MYO6: variants seen among roughly 807,000 people sequenced by gnomAD.
MYO6 encodes unconventional myosin-VI.
MYO6 carries 74 observed loss-of-function variants against 178.7 expected under a neutral mutation model. The observed-to-expected ratio is 0.41, with a 90% CI of 0.34 to 0.50. The LOEUF is 0.50. Ranked by LOEUF, MYO6 falls within the 20% of genes least tolerant of loss-of-function variation. The probability of loss-of-function intolerance (pLI) is 0.09; values close to 1 mark genes in which losing one functional copy is unlikely to be tolerated. For synonymous variants in MYO6, 477 were observed against 504.6 expected (o/e 0.95, Z 0.73); for missense variants, 1,330 against 1,547.4 (o/e 0.86, Z 2.36).
chr6:75,830,685 A>G (rs568870807), intron 5 of MYO6, 140 bp downstream of exon 5: 9 of 815,240 alleles, frequency 1.1e-5, no homozygotes, highest in South Asian at 1.0e-4. Context: ...GGATATATCA[A>G]CATTGTTAGG....
chr6:75,758,530 A>G (rs1410349321), intron 1 of MYO6, among the ~76,000 whole-genome samples: 7 of 151,744 alleles, frequency 4.6e-5, no homozygotes, highest in Admixed American at 6.6e-5. Flanking sequence ...TTGCCATCTC[A>G]GCTCACTGCA....
At chr6:75,873,138 G>A (rs886760713) in intron 19 of MYO6, 69 bp from the exon 20 acceptor site, 1 of 1,164,546 alleles carries the variant, frequency 8.6e-7, no homozygotes, top group Non-Finnish European at 1.3e-6. Flanking sequence ...GAAAGTTGCA[G>A]GTATTCATAG....
intron 20 of MYO6, among the ~76,000 whole-genome samples, chr6:75,878,309 T>A (rs187275981): frequency 4.6e-5 from 7 of 152,322 alleles, no homozygotes; most frequent in Non-Finnish European, 8.8e-5. Flanking sequence ...TTTTAGTTTT[T>A]TTCTGGTTTT....
At position 75,868,938 on chromosome 6, in the gene MYO6, C is replaced by T. The variant is rs3798436; in HGVS notation, c.1945-1709C>T. On this transcript the variant is annotated intron_variant, in intron 18 of 34. Transcript: ENST00000369977. Reference sequence around the variant, plus strand: ...TTTTCAAATAAAAATACAAATAAAGCATGAGTTGCCTGAGGCTTTTTACTC... The same window carrying T: ...TTTTCAAATAAAAATACAAATAAAGTATGAGTTGCCTGAGGCTTTTTACTC... Among the ~76,000 whole-genome samples the T allele has an allele frequency of 0.013, 1,996 of 152,060 alleles. 74 individuals are homozygous for T. The East Asian group carries it at 0.15, about 11-fold the overall frequency.
At chr6:75,837,176 A>T (rs1401063754) in intron 7 of MYO6, among the ~76,000 whole-genome samples, 1 of 152,164 alleles carries the variant, frequency 6.6e-6, no homozygotes, top group Non-Finnish European at 1.5e-5. Context: ...TGGTAATAAC[A>T]TATATGGGAT....
At chr6:75,912,284 T>C (rs935294084) in intron 33 of MYO6, among the ~76,000 whole-genome samples, 2 of 152,062 alleles carry the variant, frequency 1.3e-5, no homozygotes, top group African/African-American at 2.4e-5. Flanking sequence ...AGTTGATTAG[T>C]AATGATTTGG....
chr6:75,795,860 A>G (rs565795626), intron 1 of MYO6, among the ~76,000 whole-genome samples: 29 of 152,342 alleles, frequency 1.9e-4, no homozygotes, highest in Non-Finnish European at 2.5e-4. Context: ...ATTCCAACAG[A>G]TTGGAACAGT....
intron 1 of MYO6, among the ~76,000 whole-genome samples, chr6:75,757,373 G>A (rs370161838): frequency 7.9e-4 from 116 of 146,786 alleles, no homozygotes; most frequent in Non-Finnish European, 1.0e-3. Flanking sequence ...GTGTGTGTGT[G>A]TATATATATG....
At chr6:75,860,862 A>G (rs149636957) in intron 14 of MYO6, among the ~76,000 whole-genome samples, 161 bp from the exon 15 acceptor site, 1 of 152,336 alleles carries the variant, frequency 6.6e-6, no homozygotes, top group East Asian at 1.9e-4. Context: ...CCTGTCTGCA[A>G]GTGTTCAAAA....
chr6:75,877,469 G>A (rs1182127072), intron 20 of MYO6, among the ~76,000 whole-genome samples: 2 of 151,724 alleles, frequency 1.3e-5, no homozygotes, highest in African/African-American at 4.8e-5. Flanking sequence ...ATTTCACCAT[G>A]TTGGCCAGGC....
In MYO6 at chr6:75,915,208, T is replaced by C; in HGVS notation, c.*196T>C. On this transcript the variant is annotated 3_prime_UTR_variant, in exon 35 of 35. Coordinates refer to ENST00000369977, the MANE Select transcript of MYO6 (RefSeq NM_004999.4). ...ATTTTGGACCTAAACATTATTTTTC[T>C]GTATCCCGCTGTAATTCCCAAAACT... is the stretch of plus-strand genomic sequence containing the variant. 1.7e-6 allele frequency: 1 copy of C among 605,330 alleles called. No homozygotes were observed. Among genetic ancestry groups the C allele is most frequent in the Non-Finnish European group, 2.9e-6 (1 of 342,540 alleles). 37.5% of individuals were successfully genotyped at this position (605,330 alleles called of 1,614,324 possible). A position where few individuals can be genotyped will look rare whatever the true frequency, so the allele number is the denominator to read the frequency against.
At chr6:75,758,553 T>C (rs545510674) in intron 1 of MYO6, among the ~76,000 whole-genome samples, 30 of 150,020 alleles carry the variant, frequency 2.0e-4, no homozygotes, top group East Asian at 4.1e-4. Context: ...CTCCGCCTCC[T>C]GGGTTCACGC....
chr6:75,879,671 A>G (rs1473633847), intron 20 of MYO6, 149 bp from the exon 21 acceptor site: 6 of 1,071,098 alleles, frequency 5.6e-6, no homozygotes, highest in South Asian at 1.4e-5. Flanking sequence ...CATAATGAGC[A>G]TAAATATTTT....
intron 1 of MYO6, among the ~76,000 whole-genome samples, chr6:75,815,094 A>G (rs574595513): frequency 2.0e-5 from 3 of 152,354 alleles, no homozygotes; most frequent in African/African-American, 7.2e-5. Context: ...TGGCACGAGT[A>G]GAAGCAGGCA....
intron 13 of MYO6, among the ~76,000 whole-genome samples, chr6:75,857,619 A>T (rs567130921): frequency 6.6e-6 from 1 of 152,364 alleles, no homozygotes; most frequent in East Asian, 1.9e-4. Context: ...AAATAGAGTC[A>T]CTAAAACCAT....
At chr6:75,818,748 A>G (rs1272195737) in intron 2 of MYO6, among the ~76,000 whole-genome samples, 2 of 152,220 alleles carry the variant, frequency 1.3e-5, no homozygotes, top group African/African-American at 4.8e-5. Flanking sequence ...TGCATAATGT[A>G]TAATGTGCCA....
chr6:75,838,054 C>CTTT (rs35550064), intron 7 of MYO6, among the ~76,000 whole-genome samples: 1 of 136,222 alleles, frequency 7.3e-6, no homozygotes, highest in African/African-American at 2.7e-5. Flanking sequence ...TCTATAGCTT[C>CTTT]TTTTTTTTTT....
rs764736800 is a variant in MYO6, at chr6:75,915,057, TTAGG to T, written c.*50_*53del. ...CAGCTGGGAGCCTTTGCCATGGTAC[TTAGG>T]TAGGGTGTGTGCCCCCAGATTTAAC... On this transcript the variant is annotated 3_prime_UTR_variant, in exon 35 of 35. Transcript: ENST00000369977. 5.8e-6 allele frequency: 9 copies of T among 1,551,600 alleles called. No individual in the cohort carries two copies. Among genetic ancestry groups the T allele is most frequent in the African/African-American group, 1.4e-5 (1 of 73,870 alleles).
rs758431073 is a variant in MYO6, at chr6:75,880,125, A to G, written c.2286+5A>G. ...GTATTTTTTAGACCTGGCAAGGTAA[A>G]TATACATTTTTTACTTTAAACTGTA... On this transcript the variant is annotated splice_donor_5th_base_variant and intron_variant, in intron 22 of 34. Coordinates refer to ENST00000369977, the MANE Select transcript of MYO6 (RefSeq NM_004999.4). 2 of 1,597,180 alleles carry G rather than the reference A, an allele frequency of 1.3e-6. No homozygotes were observed. The highest frequency in any genetic ancestry group is 2.2e-5 in the East Asian group (1 of 44,708).
Sources: allele counts gnomAD v4.1 joint callset (sites outside exome capture counted in the v4.1 genomes callset), GRCh38; gene constraint gnomAD v4.1.1; transcripts MANE v1.5; gene names NCBI Gene and HGNC (gene_info 2026-07-23, HGNC 2026-07-21).